The following NVL variants were observed in gnomAD, a reference collection of about 807,000 sequenced individuals.
The protein encoded by NVL is nuclear valosin-containing protein-like.
Under a neutral mutation model 110.2 loss-of-function variants are expected in NVL, and 84 were observed. The ratio of observed to expected loss-of-function variants is 0.76; its 90% confidence interval spans 0.64 to 0.91. NVL has a LOEUF of 0.91. NVL is among the 40% of genes least tolerant of loss of function. NVL has a pLI of 0.00. For synonymous variants in NVL, 354 were observed against 361.1 expected, an observed-to-expected ratio of 0.98 and a Z score of 0.22; for missense variants, 882 against 1,035.9, an observed-to-expected ratio of 0.85 and a Z score of 2.04.
intron 19 of NVL, among the ~76,000 whole-genome samples, chr1:224,247,940 G>A (rs532096752): frequency 2.6e-4 from 39 of 152,306 alleles, no homozygotes; most frequent in Non-Finnish European, 4.7e-4. Context: ...GTGGGGTGGT[G>A]GGAAAATTGC....
Position 224,296,406 on chromosome 1 carries a change from T to C in NVL, c.1180+95A>G, listed in dbSNP as rs541054150. 258 of 645,898 alleles carry C rather than the reference T, an allele frequency of 4.0e-4. 2 individuals are homozygous for C. The African/African-American group carries it at 4.4e-3, about 11-fold the overall frequency. 40.0% of individuals were successfully genotyped at this position (645,898 alleles called of 1,614,324 possible). On this transcript the variant is annotated intron_variant, in intron 11 of 22. Coordinates refer to ENST00000281701, the MANE Select transcript of NVL (RefSeq NM_002533.4). ...GACTTTTTTTTTACACTATTTGATA[T>C]TTACTATATGAATATTATTTTTTAT...
chr1:224,249,587 C>A (rs1033082365), intron 19 of NVL, among the ~76,000 whole-genome samples: 2 of 152,092 alleles, frequency 1.3e-5, no homozygotes, highest in Admixed American at 1.3e-4. Flanking sequence ...TACTAAAAAA[C>A]ACAAAAAATT....
rs919400139 is a variant in NVL at position 224,276,197 on chromosome 1, A to C, written c.1963-739T>G. Among the ~76,000 whole-genome samples the C allele has an allele frequency of 6.6e-5, 10 of 152,310 alleles. No homozygotes were observed. In the East Asian group the frequency reaches 1.7e-3, roughly 26 times the overall value. On this transcript the variant is annotated intron_variant, in intron 16 of 22. Transcript: ENST00000281701. ...AGTTTTTTTCTTAATGAAACTGCCA[A>C]ATAAGATGGAATCCAAAAACATCTT...
chr1:224,318,283 T>C (rs975333173), intron 2 of NVL, among the ~76,000 whole-genome samples: 22 of 152,178 alleles, frequency 1.4e-4, no homozygotes, highest in African/African-American at 5.3e-4. Flanking sequence ...AGATTTCTTT[T>C]GGAGGGGTAG....
intron 20 of NVL, 146 bp from the exon 21 acceptor site, chr1:224,233,435 A>G: frequency 1.7e-6 from 1 of 576,078 alleles, no homozygotes; most frequent in African/African-American, 1.9e-5. Context: ...TTGATTATCA[A>G]TCAATAGAAA....
At chr1:224,319,277 C>T (rs1670410916) in intron 2 of NVL, among the ~76,000 whole-genome samples, 1 of 151,036 alleles carries the variant, frequency 6.6e-6, no homozygotes, top group Admixed American at 6.6e-5. Context: ...AAATTATTCC[C>T]AAAAAATGGT....
At chr1:224,228,681 T>A (rs934743593) in intron 22 of NVL, among the ~76,000 whole-genome samples, 1 of 149,804 alleles carries the variant, frequency 6.7e-6, no homozygotes, top group African/African-American at 2.4e-5. Context: ...GGCTCACACC[T>A]GTAATCCCAG....
chr1:224,288,153 C>T (rs1170492470), intron 13 of NVL, among the ~76,000 whole-genome samples, 160 bp from the exon 14 acceptor site: 2 of 152,080 alleles, frequency 1.3e-5, no homozygotes, highest in Non-Finnish European at 2.9e-5. Context: ...GAGACAAGTT[C>T]ATTTTATTCT....
intron 22 of NVL, 34 bp from the exon 23 acceptor site, chr1:224,227,704 G>C: frequency 1.3e-6 from 2 of 1,595,488 alleles, no homozygotes; most frequent in Admixed American, 3.4e-5. Flanking sequence ...TACAGAGACC[G>C]TCACTGCTTG....
chr1:224,271,669 T>C (rs1023136430), intron 17 of NVL, among the ~76,000 whole-genome samples: 1 of 152,194 alleles, frequency 6.6e-6, no homozygotes, highest in Non-Finnish European at 1.5e-5. Context: ...ACTTGTGTTT[T>C]ATTTGAATTT....
chr1:224,255,073 T>C (rs959602908), intron 18 of NVL, among the ~76,000 whole-genome samples: 2 of 151,676 alleles, frequency 1.3e-5, no homozygotes, highest in Admixed American at 6.6e-5. Context: ...GATTTCACCA[T>C]GTTGGCTAGG....
At position 224,241,670 on chromosome 1, in the gene NVL, A is replaced by C. The variant is rs548732500; in HGVS notation, c.2290-5088T>G. ...CAGGAGTTTGAGACTAGCCTGGCCAATATGGTGAAACACCATCTCTACTAA... is the reference window on the plus strand; with the variant it reads ...CAGGAGTTTGAGACTAGCCTGGCCACTATGGTGAAACACCATCTCTACTAA... On this transcript the variant is annotated intron_variant, in intron 19 of 22. Transcript: ENST00000281701. Among the ~76,000 whole-genome samples, 12 of 152,164 alleles carry C rather than the reference A, an allele frequency of 7.9e-5. No homozygotes were observed. The South Asian group carries it at 2.3e-3, about 29-fold the overall frequency.
At chr1:224,273,049 A>C (rs867295647) in intron 17 of NVL, among the ~76,000 whole-genome samples, 6 of 142,890 alleles carry the variant, frequency 4.2e-5, no homozygotes, top group Non-Finnish European at 7.5e-5. Flanking sequence ...AAAACAAAAA[A>C]AACAAACAAA....
At chr1:224,257,203 T>C (rs1324341527) in intron 18 of NVL, 3 of 468,124 alleles carry the variant, frequency 6.4e-6, no homozygotes, top group Non-Finnish European at 4.3e-6. Context: ...GAAAGTGCAT[T>C]CACTCACAAA....
Position 224,233,537 on chromosome 1 carries a change from A to G in NVL, c.2367-248T>C, listed in dbSNP as rs1267144206. On this transcript the variant is annotated intron_variant, in intron 20 of 22. Coordinates refer to ENST00000281701, the MANE Select transcript of NVL (RefSeq NM_002533.4). ...CACTTTGGGAGGCCGAGGTGGGTGGATCACTTGAACAGGAGTTTGAGACTA... is the reference window on the plus strand; with the variant it reads ...CACTTTGGGAGGCCGAGGTGGGTGGGTCACTTGAACAGGAGTTTGAGACTA... 4.6e-5 allele frequency among the ~76,000 whole-genome samples: 7 copies of G among 152,168 alleles called. No individual in the cohort carries two copies. In the East Asian group the frequency reaches 1.2e-3, roughly 25 times the overall value.
chr1:224,303,736 T>G lies in NVL; in HGVS notation c.947A>C (p.His316Pro), dbSNP rs142913195. The G allele has an allele frequency of 1.2e-6, 2 of 1,612,262 alleles. No individual in the cohort carries two copies. The highest frequency in any genetic ancestry group is 1.7e-6 in the Non-Finnish European group (2 of 1,179,084). ...PPGCGKTLLA[H>P]AIAGELDLPI... Reference sequence around the variant, plus strand: ...AGCAAGCCTCACCCCAGCAATTGCATGTGCAAGTAATGTCTTCCCACAGCC... The same window carrying G: ...AGCAAGCCTCACCCCAGCAATTGCAGGTGCAAGTAATGTCTTCCCACAGCC... Residue 316 changes from histidine (H) to proline (P), a missense_variant, in exon 9 of 23, where the codon CAT becomes CCT. Transcript: ENST00000281701.
intron 19 of NVL, among the ~76,000 whole-genome samples, chr1:224,236,972 A>T (rs1367993539): frequency 6.6e-6 from 1 of 152,246 alleles, no homozygotes; most frequent in African/African-American, 2.4e-5. Flanking sequence ...TGACTAAATG[A>T]GTATAACTGA....
intron 13 of NVL, among the ~76,000 whole-genome samples, chr1:224,288,199 CA>C (rs1667049246): frequency 1.3e-5 from 2 of 151,988 alleles, no homozygotes; most frequent in African/African-American, 4.8e-5. Context: ...AAAGATATAC[CA>C]ATTATAATTA....
intron 19 of NVL, among the ~76,000 whole-genome samples, chr1:224,247,723 C>T (rs554262460): frequency 1.3e-5 from 2 of 152,094 alleles, no homozygotes; most frequent in African/African-American, 2.4e-5. Context: ...GTTGCCCAGG[C>T]TGGTCTCCAA....
Sources: allele counts gnomAD v4.1 joint callset (sites outside exome capture counted in the v4.1 genomes callset), GRCh38; gene constraint gnomAD v4.1.1; transcripts MANE v1.5; gene names NCBI Gene and HGNC (gene_info 2026-07-23, HGNC 2026-07-21).